CCND3: variants seen among roughly 807,000 people sequenced by gnomAD.
The protein encoded by CCND3 is G1/S-specific cyclin-D3.
CCND3 carries 9 observed loss-of-function variants against 28.7 expected under a neutral mutation model. The ratio of observed to expected loss-of-function variants is 0.31; its 90% CI spans 0.19 to 0.55. The LOEUF is 0.55. Ranked by LOEUF, CCND3 falls within the 20% of genes least tolerant of loss-of-function variation. The pLI is 0.93. For missense variants in CCND3, 315 were observed against 385.8 expected, an observed-to-expected ratio of 0.82 and a Z score of 1.54; for synonymous variants, 164 against 163.9, an observed-to-expected ratio of 1.00 and a Z score of 0.00.
intron 1 of CCND3, among the ~76,000 whole-genome samples, chr6:42,039,851 G>T (rs540799863): frequency 1.3e-5 from 2 of 152,324 alleles, no homozygotes; most frequent in Admixed American, 1.3e-4. Flanking sequence ...CACCTTCTTG[G>T]CTTAGTGGAC....
chr6:41,994,954 T>C (rs7738113), intron 1 of CCND3, among the ~76,000 whole-genome samples: 148,937 of 151,958 alleles, frequency 0.98, 73,046 homozygotes, highest in East Asian at 1. Flanking sequence ...CGCCTGTAAT[T>C]CCAGCTACTC....
intron 1 of CCND3, among the ~76,000 whole-genome samples, chr6:42,013,977 CAGG>C (rs1172336555): frequency 2.6e-5 from 4 of 151,914 alleles, no homozygotes; most frequent in African/African-American, 9.7e-5. Flanking sequence ...GAGGCTGAGG[CAGG>C]AGAATGGCGT....
At chr6:42,027,796 G>A (rs1763924932) in intron 1 of CCND3, among the ~76,000 whole-genome samples, 1 of 151,894 alleles carries the variant, frequency 6.6e-6, no homozygotes. Context: ...TGTCCAGGCT[G>A]GAGGGCAATG....
At chr6:41,974,949 C>A (rs1371690701) in intron 1 of CCND3, among the ~76,000 whole-genome samples, 1 of 151,936 alleles carries the variant, frequency 6.6e-6, no homozygotes, top group South Asian at 2.1e-4. Context: ...CCTGCCACCA[C>A]GCCCAGCTAA....
chr6:42,048,765 G>A lies in CCND3; in HGVS notation c.-310C>T. 1 of 465,534 alleles carries A rather than the reference G, an allele frequency of 2.1e-6. No homozygotes were observed. The highest frequency in any genetic ancestry group is 4.3e-6 in the Non-Finnish European group (1 of 234,622). 28.8% of individuals were successfully genotyped at this position (465,534 alleles called of 1,614,324 possible). A position where few individuals can be genotyped will look rare whatever the true frequency, so the allele number is the denominator to read the frequency against. ...AGGGGGCGGAGGAGACAAAGGGGCT[G>A]GTGCTCTGCTCAGCCAAGTTTCGGT... On this transcript the variant is annotated 5_prime_UTR_variant, in exon 1 of 5. Coordinates refer to the CCND3 transcript ENST00000372988. This position sits in a 1 kb window ranked among gnomAD's most constrained non-coding sequence, Gnocchi z 4.7.
At chr6:41,937,126 A>G (rs1775828135) in intron 3 of CCND3, 109 bp downstream of exon 3, 25 of 1,283,524 alleles carry the variant, frequency 1.9e-5, no homozygotes, top group Non-Finnish European at 2.4e-5. Flanking sequence ...AGGGGGTATA[A>G]TTTTCACAAA....
chr6:41,985,512 AC>A (rs1452994609), intron 1 of CCND3, among the ~76,000 whole-genome samples: 3 of 151,722 alleles, frequency 2.0e-5, no homozygotes, highest in East Asian at 3.9e-4. Context: ...ACGGGGTTTC[AC>A]CATGTTGGCC....
chr6:41,937,143 T>C (rs769908615), intron 3 of CCND3, 92 bp downstream of exon 3: 2 of 1,399,186 alleles, frequency 1.4e-6, no homozygotes, highest in South Asian at 1.2e-5. Flanking sequence ...CAAAGGAATT[T>C]TGACAGTATA....
At position 41,936,513 on chromosome 6, in the gene CCND3, C is replaced by T. The variant is rs1716493680; in HGVS notation, c.711+46G>A. 6.2e-7 allele frequency: 1 copy of T among 1,608,758 alleles called. No individual in the cohort carries two copies. Among genetic ancestry groups the T allele is most frequent in the Non-Finnish European group, 8.5e-7 (1 of 1,176,940 alleles). The stretch of plus-strand genomic sequence containing the variant: ...TCTACTGGAGGCTCAGGGCATAGCA[C>T]TACTTTATGAATGGAGAGGCTGCTG... On this transcript the variant is annotated intron_variant, in intron 4 of 4. Coordinates refer to ENST00000372991, the MANE Select transcript of CCND3 (RefSeq NM_001760.5). This position sits in a 1 kb window ranked among gnomAD's most constrained non-coding sequence, Gnocchi z 4.4.
At chr6:41,992,954 G>A (rs1466059371) in intron 1 of CCND3, among the ~76,000 whole-genome samples, 1 of 152,058 alleles carries the variant, frequency 6.6e-6, no homozygotes, top group African/African-American at 2.4e-5. Context: ...TTTCATCCAG[G>A]CTGGAGTGCA....
chr6:42,000,793 C>T (rs1164910253), intron 1 of CCND3, among the ~76,000 whole-genome samples: 4 of 147,906 alleles, frequency 2.7e-5, no homozygotes, highest in African/African-American at 5.0e-5. Flanking sequence ...TCTCGAACTC[C>T]CGACCTCAGG....
In CCND3 at chr6:41,935,381, A is replaced by G. The variant is rs1360529941; in HGVS notation, c.*559T>C. On this transcript the variant is annotated 3_prime_UTR_variant, in exon 5 of 5. Coordinates refer to ENST00000372991, the MANE Select transcript of CCND3 (RefSeq NM_001760.5). ...CAGAAAGCAAAGCAAAGAGGAATTT[A>G]TAGCTTCTCTGGCTGAGGCCTAGGC... 8.4e-6 allele frequency: 2 copies of G among 239,088 alleles called. No homozygotes were observed. The highest frequency in any genetic ancestry group is 1.2e-4 in the East Asian group (2 of 16,712). 14.8% of individuals were successfully genotyped at this position (239,088 alleles called of 1,614,324 possible).
intron 1 of CCND3, among the ~76,000 whole-genome samples, chr6:41,966,728 C>T (rs1761896698): frequency 6.6e-6 from 1 of 152,124 alleles, no homozygotes; most frequent in Non-Finnish European, 1.5e-5. Flanking sequence ...GTGGTTATTC[C>T]CAAATCAACC....
intron 1 of CCND3, chr6:42,018,421 G>A (rs911516210): frequency 1.4e-4 from 22 of 151,928 alleles, no homozygotes; most frequent in African/African-American, 5.1e-4. Context: ...AATACGGAAC[G>A]CTTCACGAAT....
At chr6:41,969,935 G>A (rs779963999) in intron 1 of CCND3, among the ~76,000 whole-genome samples, 6 of 152,132 alleles carry the variant, frequency 3.9e-5, no homozygotes, top group Admixed American at 6.5e-5. Flanking sequence ...AGCTGGGCAT[G>A]GTGGTGAACG....
At chr6:42,036,682 G>A (rs1764229298) in intron 1 of CCND3, among the ~76,000 whole-genome samples, 1 of 151,668 alleles carries the variant, frequency 6.6e-6, no homozygotes. Context: ...GAGATTACAG[G>A]CATGAGCCAC....
In CCND3 at chr6:41,940,409, GCA is replaced by G; in HGVS notation, c.373_374del (p.Cys125HisfsTer34). 6.2e-7 allele frequency: 1 copy of G among 1,613,614 alleles called. No individual in the cohort carries two copies. The highest frequency in any genetic ancestry group is 8.5e-7 in the Non-Finnish European group (1 of 1,179,866). On this transcript the variant is annotated frameshift_variant, in exon 2 of 5. Coordinates refer to ENST00000372991, the MANE Select transcript of CCND3 (RefSeq NM_001760.5). LOFTEE classifies it high-confidence loss of function. ...ETTPLTIEKL[C>X]IYTDHAVSPR... The stretch of plus-strand genomic sequence containing the variant: ...GAGAGACAGCGTGGTCGGTGTAGAT[GCA>G]CAGTTTTTCGATGGTCAGGGGCGTG...
rs756556211 is a variant in CCND3 at position 41,939,542 on chromosome 6, A to T, written c.414+828T>A. Among the ~76,000 whole-genome samples the T allele has an allele frequency of 3.3e-5, 5 of 152,138 alleles. No homozygotes were observed. Among genetic ancestry groups the T allele is most frequent in the Non-Finnish European group, 5.9e-5 (4 of 68,018 alleles). The stretch of plus-strand genomic sequence containing the variant: ...CCTGAGCCCAGCCCAAGTTTCCAGC[A>T]AGAGGCCCAGGGAGCCACTTCCCAA... On this transcript the variant is annotated intron_variant, in intron 2 of 4. Coordinates refer to ENST00000372991, the MANE Select transcript of CCND3 (RefSeq NM_001760.5). This position sits in a 1 kb window ranked among gnomAD's most constrained non-coding sequence, Gnocchi z 4.2.
At chr6:41,960,368 C>T (rs867675211) in intron 1 of CCND3, among the ~76,000 whole-genome samples, 11 of 152,138 alleles carry the variant, frequency 7.2e-5, no homozygotes, top group Non-Finnish European at 1.2e-4. Context: ...ATTGTACTTT[C>T]GATAGGTGAA....
Sources: gnomAD v4.1 joint callset for allele counts (sites outside exome capture counted in the v4.1 genomes callset) on GRCh38, gnomAD v4.1.1 for gene constraint, Gnocchi (gnomAD v3.1) non-coding constraint, MANE v1.5 for transcripts, NCBI Gene and HGNC (gene_info 2026-07-23, HGNC 2026-07-21) for gene names.